NAALADL2: variants seen among roughly 807,000 people sequenced by gnomAD.
NAALADL2 encodes N-acetylated alpha-linked acidic dipeptidase like 2.
A neutral mutation model predicts 87.2 loss-of-function variants in NAALADL2; 76 were observed. The observed-to-expected ratio is 0.87, with a 90% CI of 0.72 to 1.05. The LOEUF (loss-of-function observed/expected upper bound fraction) is 1.05, where lower values mean the gene tolerates loss of function less well. NAALADL2 is among the 50% of genes least tolerant of loss of function. NAALADL2 has a pLI of 0.00. For missense variants in NAALADL2, 1,089 were observed against 945.8 expected, an observed-to-expected ratio of 1.15 and a Z score of -1.99; for synonymous variants, 354 against 331.0, an observed-to-expected ratio of 1.07 and a Z score of -0.75.
Position 174,859,601 on chromosome 3 carries a change from C to T in NAALADL2, c.43+151C>T, listed in dbSNP as rs114795387. Among the ~76,000 whole-genome samples the T allele has an allele frequency of 6.1e-3, 929 of 152,100 alleles. 6 individuals carry two copies. Among genetic ancestry groups the T allele is most frequent in the African/African-American group, 0.021 (870 of 41,492 alleles). ...GGCCCTGTTTTTAAGGTGTTTTCTG[C>T]GAGCGAGAAAAGAGGTGGAGATTGT... On this transcript the variant is annotated intron_variant, in intron 1 of 13. Coordinates refer to ENST00000454872, the MANE Select transcript of NAALADL2 (RefSeq NM_207015.3).
intron 5 of NAALADL2, among the ~76,000 whole-genome samples, chr3:175,413,447 G>A (rs1713989442): frequency 6.6e-6 from 1 of 151,264 alleles, no homozygotes; most frequent in Non-Finnish European, 1.5e-5. Flanking sequence ...AGCGTCACCT[G>A]TAGGCCCAGC....
intron 2 of NAALADL2, among the ~76,000 whole-genome samples, chr3:174,667,618 G>C (rs995009050): frequency 6.8e-6 from 1 of 146,068 alleles, no homozygotes. Flanking sequence ...TGGTGAGTGA[G>C]AGTTTTATAG....
At chr3:174,862,412 C>T (rs762004766) in intron 1 of NAALADL2, among the ~76,000 whole-genome samples, 21 of 151,894 alleles carry the variant, frequency 1.4e-4, no homozygotes, top group Non-Finnish European at 2.6e-4. Context: ...CATCCTTGAA[C>T]GTATAAGGGC....
At chr3:175,502,709 A>T (rs1194641152) in intron 9 of NAALADL2, among the ~76,000 whole-genome samples, 2 of 152,046 alleles carry the variant, frequency 1.3e-5, no homozygotes, top group East Asian at 3.9e-4. Context: ...ATCCCAGTAT[A>T]CATACATATA....
rs188579493 is a variant in NAALADL2, at chr3:175,515,549, C to G, written c.1653+43791C>G. 2.6e-3 allele frequency among the ~76,000 whole-genome samples: 391 copies of G among 150,644 alleles called. 4 individuals carry two copies. The highest frequency in any genetic ancestry group is 4.7e-3 in the Non-Finnish European group (319 of 67,708). ...TGCAAACAACAAAAGAGAATTCTAGCTAATTTTTGGGAAAAAAAAAAAAAG... is the reference window on the plus strand; with the variant it reads ...TGCAAACAACAAAAGAGAATTCTAGGTAATTTTTGGGAAAAAAAAAAAAAG... On this transcript the variant is annotated intron_variant, in intron 9 of 13. Transcript: ENST00000454872.
At position 175,610,702 on chromosome 3, in the gene NAALADL2, A is replaced by T. The variant is rs193227549; in HGVS notation, c.1801-16589A>T. On this transcript the variant is annotated intron_variant, in intron 10 of 13. Coordinates refer to ENST00000454872, the MANE Select transcript of NAALADL2 (RefSeq NM_207015.3). ...GTGTGTTTCTGATAAAGATTCAGAG[A>T]CATTGCATTCACATGAACATGTTTA... 2.6e-5 allele frequency among the ~76,000 whole-genome samples: 4 copies of T among 152,242 alleles called. No homozygotes were observed. The East Asian group carries it at 7.7e-4, about 29-fold the overall frequency.
At chr3:174,577,108 C>A (rs373237950) in intron 2 of NAALADL2, among the ~76,000 whole-genome samples, 24 of 151,994 alleles carry the variant, frequency 1.6e-4, no homozygotes, top group African/African-American at 5.1e-4. Context: ...CATGATTCAA[C>A]AATCAACTGT....
intron 10 of NAALADL2, among the ~76,000 whole-genome samples, chr3:175,596,136 G>A (rs1041274255): frequency 1.3e-5 from 2 of 151,914 alleles, no homozygotes; most frequent in Admixed American, 6.6e-5. Context: ...AAATACTGAA[G>A]TATTTCCAAG....
Position 175,310,554 on chromosome 3 carries a change from T to C in NAALADL2, c.940-13621T>C, listed in dbSNP as rs183339380. On this transcript the variant is annotated intron_variant, in intron 4 of 13. Transcript: ENST00000454872. ...GTTATTATCTGTAAGTTTCTCCCCATTTATTATGGCTTTATTATATATACT... is the reference window on the plus strand; with the variant it reads ...GTTATTATCTGTAAGTTTCTCCCCACTTATTATGGCTTTATTATATATACT... Among the ~76,000 whole-genome samples the C allele has an allele frequency of 2.7e-4, 41 of 152,174 alleles. No individual in the cohort carries two copies. In the East Asian group the frequency reaches 7.3e-3, roughly 27 times the overall value.
At chr3:175,742,581 T>A (rs1745388569) in intron 12 of NAALADL2, among the ~76,000 whole-genome samples, 1 of 152,016 alleles carries the variant, frequency 6.6e-6, no homozygotes, top group Admixed American at 6.5e-5. Flanking sequence ...GTATTTTTAG[T>A]AGAGACGGGG....
At chr3:175,761,515 C>T (rs1748006365) in intron 13 of NAALADL2, among the ~76,000 whole-genome samples, 1 of 152,126 alleles carries the variant, frequency 6.6e-6, no homozygotes, top group Admixed American at 6.6e-5. Flanking sequence ...TCAGCAGATA[C>T]CAAAGTGTGC....
intron 10 of NAALADL2, among the ~76,000 whole-genome samples, chr3:175,601,257 ATAAT>A (rs1326584455): frequency 4.6e-5 from 7 of 152,330 alleles, no homozygotes; most frequent in South Asian, 2.1e-4. Context: ...TAAAATGGAA[ATAAT>A]TAATAACACC....
chr3:175,647,782 A>G (rs752527397), intron 11 of NAALADL2, among the ~76,000 whole-genome samples: 2 of 152,192 alleles, frequency 1.3e-5, no homozygotes, highest in Non-Finnish European at 2.9e-5. Context: ...CAGCACTTAG[A>G]TTAGTGTCCA....
intron 1 of NAALADL2, among the ~76,000 whole-genome samples, chr3:174,998,568 T>G (rs1747835809): frequency 6.6e-6 from 1 of 152,188 alleles, no homozygotes; most frequent in South Asian, 2.1e-4. Context: ...ATCATAACCT[T>G]GATACATTTT....
At chr3:175,216,465 T>C (rs920749449) in intron 2 of NAALADL2, among the ~76,000 whole-genome samples, 15 of 151,988 alleles carry the variant, frequency 9.9e-5, no homozygotes, top group African/African-American at 3.4e-4. Context: ...CAAGACTACT[T>C]TTCTAAGGTC....
At chr3:175,305,370 T>C (rs530394580) in intron 4 of NAALADL2, among the ~76,000 whole-genome samples, 1 of 152,246 alleles carries the variant, frequency 6.6e-6, no homozygotes, top group South Asian at 2.1e-4. Flanking sequence ...CTTACAATTT[T>C]TGACTTTCAG....
At chr3:175,351,118 A>G (rs1763712396) in intron 5 of NAALADL2, among the ~76,000 whole-genome samples, 1 of 152,166 alleles carries the variant, frequency 6.6e-6, no homozygotes, top group Non-Finnish European at 1.5e-5. Flanking sequence ...TATGCATCAT[A>G]GAATAACTTC....
chr3:175,676,052 A>G (rs898513444), intron 11 of NAALADL2: 1 of 152,118 alleles, frequency 6.6e-6, no homozygotes, highest in African/African-American at 2.4e-5. Context: ...AATCTTAGGC[A>G]GGTAAAAACC....
chr3:174,467,785 T>A (rs1716629585), intron 1 of NAALADL2, among the ~76,000 whole-genome samples: 1 of 151,916 alleles, frequency 6.6e-6, no homozygotes, highest in Admixed American at 6.6e-5. Context: ...ACAATATGTA[T>A]AAGATGCCCT....
Sources: gnomAD v4.1 joint callset for allele counts (sites outside exome capture counted in the v4.1 genomes callset) on GRCh38, gnomAD v4.1.1 for gene constraint, MANE v1.5 for transcripts, NCBI Gene and HGNC (gene_info 2026-07-23, HGNC 2026-07-21) for gene names.